Variants in MMAA observed in about 807,000 individuals in gnomAD.
MMAA encodes methylmalonic aciduria type A protein, mitochondrial.
Under a neutral mutation model 45.0 loss-of-function variants are expected in MMAA, and 41 were observed. The observed-to-expected ratio is 0.91, with a 90% CI of 0.71 to 1.18. The LOEUF is 1.18. Among genes scored for constraint, MMAA ranks in the 50% most tolerant of loss-of-function variants. The pLI, the probability that MMAA is intolerant of heterozygous loss-of-function variation, is 0.00. For synonymous variants in MMAA, 154 were observed against 178.2 expected, an observed-to-expected ratio of 0.86 and a Z score of 1.08; for missense variants, 460 against 495.7, an observed-to-expected ratio of 0.93 and a Z score of 0.68.
chr4:145,643,505 T>G (rs531533155), intron 3 of MMAA, among the ~76,000 whole-genome samples: 1 of 152,294 alleles, frequency 6.6e-6, no homozygotes, highest in African/African-American at 2.4e-5. Flanking sequence ...TGTAATCATA[T>G]TTTAGGGACT....
rs1727550019 is a variant in MMAA, at chr4:145,634,411, G to T, written c.-65-4664G>T. On this transcript the variant is annotated intron_variant, in intron 1 of 6. Transcript: ENST00000649156. ...TCCCTTAAGATCCAGGGGCTCTTTG[G>T]TCAGTTTGTGGTGATGCTGGCTGAT... Among the ~76,000 whole-genome samples the T allele has an allele frequency of 2.0e-5, 3 of 152,022 alleles. No homozygotes were observed. In the South Asian group the frequency reaches 6.2e-4, roughly 32 times the overall value.
intron 6 of MMAA, 89 bp from the exon 7 acceptor site, chr4:145,655,058 G>A (rs1467687997): frequency 4.4e-5 from 62 of 1,418,194 alleles, no homozygotes; most frequent in South Asian, 9.7e-5. Flanking sequence ...TTTGTAGACC[G>A]TAAGAATTAA....
chr4:145,620,581 G>A (rs1051433481), intron 1 of MMAA, among the ~76,000 whole-genome samples: 2 of 152,190 alleles, frequency 1.3e-5, no homozygotes, highest in African/African-American at 4.8e-5. Context: ...GGTGCAACTA[G>A]TTTGTGACCT....
chr4:145,637,153 G>T (rs376355167), intron 1 of MMAA, among the ~76,000 whole-genome samples: 4 of 152,280 alleles, frequency 2.6e-5, no homozygotes, highest in South Asian at 2.1e-4. Context: ...GACCTGAAAA[G>T]TAGTATGTTC....
intron 1 of MMAA, among the ~76,000 whole-genome samples, chr4:145,631,893 T>TATA (rs1338181951): frequency 6.6e-6 from 1 of 152,228 alleles, no homozygotes; most frequent in African/African-American, 2.4e-5. Context: ...ACACTGTTTA[T>TATA]ATAAACAAAT....
chr4:145,657,501 A>G lies in MMAA; in HGVS notation c.*2067A>G, dbSNP rs1293212682. ...ACATGTGGGGGCAGATCTCAGCTCT[A>G]TCACTAACTAGCTATATGATATTTG... On this transcript the variant is annotated 3_prime_UTR_variant, in exon 7 of 7. Coordinates refer to ENST00000649156, the MANE Select transcript of MMAA (RefSeq NM_172250.3). 3 of 152,138 alleles carry G rather than the reference A, an allele frequency of 2.0e-5. No homozygotes were observed. 9.4% of individuals were successfully genotyped at this position (152,138 alleles called of 1,614,324 possible).
chr4:145,650,767 C>G, intron 4 of MMAA: 1 of 436,922 alleles, frequency 2.3e-6, no homozygotes, highest in Non-Finnish European at 4.2e-6. Context: ...AAGCTGCTCG[C>G]TGATGAAAAG....
intron 1 of MMAA, among the ~76,000 whole-genome samples, 193 bp from the exon 2 acceptor site, chr4:145,638,882 A>G (rs1426892429): frequency 6.6e-6 from 1 of 152,188 alleles, no homozygotes; most frequent in African/African-American, 2.4e-5. Flanking sequence ...GTTACTCTGA[A>G]TATTAACTGT....
chr4:145,635,991 A>T (rs1727596372), intron 1 of MMAA, among the ~76,000 whole-genome samples: 1 of 152,210 alleles, frequency 6.6e-6, no homozygotes, highest in South Asian at 2.1e-4. Context: ...GACTGTGATC[A>T]CTCAGCTCTC....
chr4:145,635,444 A>G (rs1162604211), intron 1 of MMAA, among the ~76,000 whole-genome samples: 3 of 152,174 alleles, frequency 2.0e-5, no homozygotes, highest in South Asian at 4.1e-4. Flanking sequence ...CTGCCAGGGC[A>G]TGGGAGAGGG....
At chr4:145,644,448 T>C (rs1389405066) in intron 3 of MMAA, among the ~76,000 whole-genome samples, 13 of 152,210 alleles carry the variant, frequency 8.5e-5, no homozygotes, top group Admixed American at 8.5e-4. Flanking sequence ...CTTTTCAATC[T>C]TTAACATTAT....
In MMAA at chr4:145,656,425, A is replaced by G; in HGVS notation, c.*991A>G. The G allele has an allele frequency of 6.6e-6, 1 of 152,162 alleles. No homozygotes were observed. Among genetic ancestry groups the G allele is most frequent in the Non-Finnish European group, 1.5e-5 (1 of 68,024 alleles). The allele number at this position is 152,162 out of a possible 1,614,324, so 9.4% of individuals were successfully genotyped here. ...TTTAAGCTTCCATTTCCTCCCTGGT[A>G]AAATGAAATTGGCAAATAACTTTCT... On this transcript the variant is annotated 3_prime_UTR_variant, in exon 7 of 7. Coordinates refer to ENST00000649156, the MANE Select transcript of MMAA (RefSeq NM_172250.3).
At chr4:145,654,452 G>T (rs1728173404) in intron 6 of MMAA, among the ~76,000 whole-genome samples, 1 of 152,126 alleles carries the variant, frequency 6.6e-6, no homozygotes, top group Non-Finnish European at 1.5e-5. Context: ...TTAATGATTT[G>T]ATTATCTATA....
Position 145,639,241 on chromosome 4 carries a change from C to T in MMAA, c.102C>T (p.Leu34=), listed in dbSNP as rs146372922. 461 of 1,614,172 alleles carry T rather than the reference C, an allele frequency of 2.9e-4. 1 individual carries two copies. The African/African-American group carries it at 4.1e-3, about 14-fold the overall frequency. The change falls in exon 2 of 7, where the codon CTC becomes CTT. Residue 34 remains leucine (L), a synonymous_variant. Coordinates refer to ENST00000649156, the MANE Select transcript of MMAA (RefSeq NM_172250.3). ...YHFIFHSSTH[L]GSGIPCAQPF... ...TCATCTTTCACTCAAGTACTCATCTCGGATCAGGAATCCCATGTGCTCAGC... is the reference window on the plus strand; with the variant it reads ...TCATCTTTCACTCAAGTACTCATCTTGGATCAGGAATCCCATGTGCTCAGC...
In MMAA at chr4:145,657,682, C is replaced by T. The variant is rs1015685162; in HGVS notation, c.*2248C>T. ...AAATATTTTACATAGATACTTGTGACAGTTCTTTGTTCTACAAAACAGACT... is the reference window on the plus strand; with the variant it reads ...AAATATTTTACATAGATACTTGTGATAGTTCTTTGTTCTACAAAACAGACT... On this transcript the variant is annotated 3_prime_UTR_variant, in exon 7 of 7. Coordinates refer to ENST00000649156, the MANE Select transcript of MMAA (RefSeq NM_172250.3). The T allele has an allele frequency of 1.4e-4, 21 of 152,314 alleles. No individual in the cohort carries two copies. Among genetic ancestry groups the T allele is most frequent in the African/African-American group, 5.1e-4 (21 of 41,568 alleles). The allele number at this position is 152,314 out of a possible 1,614,324, so 9.4% of individuals were successfully genotyped here.
chr4:145,622,126 A>G (rs4467589), intron 1 of MMAA, among the ~76,000 whole-genome samples: 2,542 of 152,310 alleles, frequency 0.017, 73 homozygotes, highest in African/African-American at 0.058. Flanking sequence ...AACTCCCACA[A>G]TCCCCATGTG....
Position 145,651,305 on chromosome 4 carries a change from A to C in MMAA, c.819+158A>C, listed in dbSNP as rs1478606132. Among the ~76,000 whole-genome samples the C allele has an allele frequency of 2.6e-5, 4 of 152,222 alleles. No homozygotes were observed. The South Asian group carries it at 8.3e-4, about 31-fold the overall frequency. ...TACCTGAATCAAAGGCAGATTCTCT[A>C]TATTTTTTCCTAACTTACAGGAATA... On this transcript the variant is annotated intron_variant, in intron 5 of 6. Coordinates refer to ENST00000649156, the MANE Select transcript of MMAA (RefSeq NM_172250.3).
At chr4:145,637,141 G>A (rs1413751617) in intron 1 of MMAA, among the ~76,000 whole-genome samples, 1 of 152,112 alleles carries the variant, frequency 6.6e-6, no homozygotes, top group Non-Finnish European at 1.5e-5. Context: ...CACCTATCAT[G>A]GGACCTGAAA....
intron 5 of MMAA, among the ~76,000 whole-genome samples, chr4:145,652,529 C>A (rs1002874647): frequency 1.3e-5 from 2 of 152,014 alleles, no homozygotes; most frequent in African/African-American, 2.4e-5. Context: ...GAGATTGAGA[C>A]CATCCTGGCT....
Sources: gnomAD v4.1 joint callset for allele counts (sites outside exome capture counted in the v4.1 genomes callset) on GRCh38, gnomAD v4.1.1 for gene constraint, MANE v1.5 for transcripts, NCBI Gene and HGNC (gene_info 2026-07-23, HGNC 2026-07-21) for gene names.